The following THOC1 variants were observed in gnomAD, a reference collection of about 807,000 sequenced individuals.
THOC1 encodes THO complex 1.
A neutral mutation model predicts 97.3 loss-of-function variants in THOC1; 29 were observed. The observed-to-expected ratio is 0.30, with a 90% CI of 0.22 to 0.41. The LOEUF (loss-of-function observed/expected upper bound fraction) is 0.41. Ranked by LOEUF, THOC1 falls within the 10% of genes least tolerant of loss-of-function variation. The pLI, the probability that THOC1 is intolerant of heterozygous loss-of-function variation, is 1.00. For synonymous variants in THOC1, 255 were observed against 257.0 expected (o/e 0.99, Z 0.07); for missense variants, 529 against 761.9 (o/e 0.69, Z 3.60).
chr18:253,239 C>A (rs887801094), intron 8 of THOC1, among the ~76,000 whole-genome samples: 3 of 152,126 alleles, frequency 2.0e-5, no homozygotes, highest in African/African-American at 7.2e-5. Flanking sequence ...ATGGAATATG[C>A]ATATATTTTA....
Position 254,190 on chromosome 18 carries a change from G to A in THOC1, c.603+83C>T. ...GCCTCCCAAAGTGCTAGGATTACAAGTGTGAGCCACTGTGCCTGGACCCAC... is the reference window on the plus strand; with the variant it reads ...GCCTCCCAAAGTGCTAGGATTACAAATGTGAGCCACTGTGCCTGGACCCAC... On this transcript the variant is annotated intron_variant, in intron 8 of 20. Coordinates refer to ENST00000261600, the MANE Select transcript of THOC1 (RefSeq NM_005131.3). This position sits in a 1 kb window ranked among gnomAD's most constrained non-coding sequence, Gnocchi z 4.1. 1 of 959,484 alleles carries A rather than the reference G, an allele frequency of 1.0e-6. No homozygotes were observed. The highest frequency in any genetic ancestry group is 1.4e-5 in the South Asian group (1 of 71,916). 59.4% of individuals were successfully genotyped at this position (959,484 alleles called of 1,614,324 possible). A position where few individuals can be genotyped will look rare whatever the true frequency, so the allele number is the denominator to read the frequency against.
intron 11 of THOC1, among the ~76,000 whole-genome samples, chr18:228,240 C>T (rs1020808620): frequency 6.6e-6 from 1 of 152,146 alleles, no homozygotes; most frequent in Admixed American, 6.5e-5. Flanking sequence ...GTCTTCAACT[C>T]ACAATCCTAT....
At position 225,119 on chromosome 18, in the gene THOC1, G is replaced by A. The variant is rs368677132; in HGVS notation, c.1107C>T (p.Pro369=). 273 of 1,572,406 alleles carry A rather than the reference G, an allele frequency of 1.7e-4. 1 individual carries two copies. The highest frequency in any genetic ancestry group is 2.2e-4 in the Non-Finnish European group (256 of 1,157,352). The change falls in exon 14 of 21, where the codon CCC becomes CCT. Residue 369 remains proline (P), a synonymous_variant. Transcript: ENST00000261600. ...CCATCTTTGAAAATCTTTCTCCATC[G>A]GGGGGGTTTTCAGATAGTAGCTGTG... ...SVYQLLSENP[P]DGERFSKMVE... is the part of the protein sequence containing the mutation.
intron 4 of THOC1, 41 bp from the exon 5 acceptor site, chr18:260,345 T>C: frequency 2.4e-6 from 3 of 1,274,704 alleles, no homozygotes; most frequent in Non-Finnish European, 2.1e-6. Flanking sequence ...TTTAAAAAAC[T>C]GTAGAGTAGA....
chr18:229,420 G>A (rs371759865), intron 11 of THOC1, among the ~76,000 whole-genome samples: 28 of 152,218 alleles, frequency 1.8e-4, no homozygotes, highest in African/African-American at 6.3e-4. Context: ...GGTGGTTCAC[G>A]CCTGTAATCC....
chr18:238,014 G>A lies in THOC1; in HGVS notation c.918+8310C>T, dbSNP rs547400648. On this transcript the variant is annotated intron_variant, in intron 11 of 20. Coordinates refer to ENST00000261600, the MANE Select transcript of THOC1 (RefSeq NM_005131.3). ...CTAGGGCAGCTGGGATTACAGGCAC[G>A]CACCACCACGCCTGGATAATTTTTG... is the stretch of plus-strand genomic sequence containing the variant. Among the ~76,000 whole-genome samples, 29 of 152,102 alleles carry A rather than the reference G, an allele frequency of 1.9e-4. No individual in the cohort carries two copies. The South Asian group carries it at 4.0e-3, about 21-fold the overall frequency.
chr18:224,422 T>C (rs932225256), intron 15 of THOC1, among the ~76,000 whole-genome samples: 3 of 151,544 alleles, frequency 2.0e-5, no homozygotes, highest in South Asian at 2.1e-4. Flanking sequence ...CTACTAAAAA[T>C]ACAAAAATTA....
intron 4 of THOC1, 83 bp from the exon 5 acceptor site, chr18:260,387 C>T (rs1384146254): frequency 1.1e-6 from 1 of 887,366 alleles, no homozygotes. Context: ...TGAAGAATAT[C>T]TTAAAAGGTA....
Position 249,475 on chromosome 18 carries a change from AACAT to A in THOC1, c.678-1522_678-1519del, listed in dbSNP as rs550493216. On this transcript the variant is annotated intron_variant, in intron 9 of 20. Transcript: ENST00000261600. ...AGGTCAGTTCAAGACCAGCCTGACC[AACAT>A]ACTGAAACCCCATCTCTACTAAAAG... is the stretch of plus-strand genomic sequence containing the variant. Among the ~76,000 whole-genome samples, 7 of 152,214 alleles carry A rather than the reference AACAT, an allele frequency of 4.6e-5. No individual in the cohort carries two copies. In the South Asian group the frequency reaches 1.5e-3, roughly 32 times the overall value.
At chr18:236,447 C>A (rs1221863937) in intron 11 of THOC1, among the ~76,000 whole-genome samples, 1 of 149,984 alleles carries the variant, frequency 6.7e-6, no homozygotes, top group Non-Finnish European at 1.5e-5. Flanking sequence ...GCTCCGCCTC[C>A]CGGGTTCACG....
intron 7 of THOC1, among the ~76,000 whole-genome samples, chr18:255,465 GA>G (rs1305716628): frequency 2.6e-5 from 4 of 152,210 alleles, no homozygotes; most frequent in Non-Finnish European, 5.9e-5. Flanking sequence ...ACCAGCCAGA[GA>G]AAGGCTTTAA....
intron 11 of THOC1, among the ~76,000 whole-genome samples, chr18:236,643 G>A (rs556409343): frequency 2.6e-5 from 4 of 152,096 alleles, no homozygotes; most frequent in East Asian, 3.9e-4. Context: ...GATTACAGGC[G>A]TGAGCCACCG....
intron 9 of THOC1, among the ~76,000 whole-genome samples, chr18:248,354 G>A (rs1418132335): frequency 1.3e-5 from 2 of 152,284 alleles, no homozygotes; most frequent in Admixed American, 1.3e-4. Context: ...GAATGCAGAT[G>A]TGAGCGTGAG....
At chr18:266,772 G>C (rs1669108235) in intron 1 of THOC1, among the ~76,000 whole-genome samples, 1 of 152,186 alleles carries the variant, frequency 6.6e-6, no homozygotes, top group East Asian at 1.9e-4. Flanking sequence ...CTTGACCTCA[G>C]GTGATCCGCC....
chr18:223,429 G>A lies in THOC1; in HGVS notation c.1370+11C>T. 6.4e-7 allele frequency: 1 copy of A among 1,551,230 alleles called. No homozygotes were observed. The highest frequency in any genetic ancestry group is 8.7e-7 in the Non-Finnish European group (1 of 1,146,246). ...AAAAGCAACACTTCATTTGAAAAAT[G>A]TTCAACTTGCCTTGTCTCTGATTTA... On this transcript the variant is annotated intron_variant, in intron 17 of 20. Coordinates refer to ENST00000261600, the MANE Select transcript of THOC1 (RefSeq NM_005131.3).
At chr18:239,239 T>C (rs965990974) in intron 11 of THOC1, among the ~76,000 whole-genome samples, 1 of 152,242 alleles carries the variant, frequency 6.6e-6, no homozygotes, top group Non-Finnish European at 1.5e-5. Flanking sequence ...AAAAAATTTC[T>C]ACAAAAAGTT....
intron 4 of THOC1, chr18:260,559 A>G: frequency 7.7e-6 from 2 of 258,634 alleles, no homozygotes; most frequent in Non-Finnish European, 1.4e-5. Flanking sequence ...CAGGCACACT[A>G]AGTACTTTAC....
At position 242,863 on chromosome 18, in the gene THOC1, T is replaced by C. The variant is rs906890183; in HGVS notation, c.918+3461A>G. On this transcript the variant is annotated intron_variant, in intron 11 of 20. Transcript: ENST00000261600. This position sits in a 1 kb window ranked among gnomAD's most constrained non-coding sequence, Gnocchi z 4.5. The stretch of plus-strand genomic sequence containing the variant: ...TGGGAATCCTAGTATCAAAACACCA[T>C]GTAAGGTACAGAGATGCTGGAAGGC... Among the ~76,000 whole-genome samples the C allele has an allele frequency of 2.0e-5, 3 of 152,192 alleles. No individual in the cohort carries two copies. Among genetic ancestry groups the C allele is most frequent in the Non-Finnish European group, 2.9e-5 (2 of 68,028 alleles).
rs542777327 is a variant in THOC1 at position 241,747 on chromosome 18, A to C, written c.918+4577T>G. 3.3e-5 allele frequency among the ~76,000 whole-genome samples: 5 copies of C among 152,344 alleles called. No individual in the cohort carries two copies. The East Asian group carries it at 9.6e-4, about 29-fold the overall frequency. ...ATACTCATGGTACTTAAACATTTTGAAATGTTGTTCTGCTTTTACATGCTA... is the reference window on the plus strand; with the variant it reads ...ATACTCATGGTACTTAAACATTTTGCAATGTTGTTCTGCTTTTACATGCTA... On this transcript the variant is annotated intron_variant, in intron 11 of 20. Coordinates refer to ENST00000261600, the MANE Select transcript of THOC1 (RefSeq NM_005131.3).
Sources: allele counts gnomAD v4.1 joint callset (sites outside exome capture counted in the v4.1 genomes callset), GRCh38; gene constraint gnomAD v4.1.1; non-coding constraint Gnocchi (gnomAD v3.1); transcripts MANE v1.5; gene names NCBI Gene and HGNC (gene_info 2026-07-23, HGNC 2026-07-21).